SYT1: variants seen among roughly 807,000 people sequenced by gnomAD.
SYT1 encodes synaptotagmin-1.
Under a neutral mutation model 44.8 loss-of-function variants are expected in SYT1, and 8 were observed. The ratio of observed to expected loss-of-function variants is 0.18; its 90% CI spans 0.10 to 0.32. The LOEUF is 0.32. SYT1 is among the 10% of genes least tolerant of loss of function. The pLI, the probability that SYT1 is intolerant of heterozygous loss-of-function variation, is 1.00. For missense variants in SYT1, 286 were observed against 509.3 expected, an observed-to-expected ratio of 0.56 and a Z score of 4.22; for synonymous variants, 154 against 188.8, an observed-to-expected ratio of 0.82 and a Z score of 1.51.
Position 79,208,727 on chromosome 12 carries a change from C to G in SYT1, c.-17-8776C>G, listed in dbSNP as rs1478019943. ...ATATTTCCTTCTGCTTACATTCTTCCAAAGACATCTTCAGCATAACACCTC... is the reference window on the plus strand; with the variant it reads ...ATATTTCCTTCTGCTTACATTCTTCGAAAGACATCTTCAGCATAACACCTC... On this transcript the variant is annotated intron_variant, in intron 3 of 10. Transcript: ENST00000261205. Among the ~76,000 whole-genome samples, 10 of 152,220 alleles carry G rather than the reference C, an allele frequency of 6.6e-5. No homozygotes were observed. The East Asian group carries it at 1.7e-3, about 26-fold the overall frequency.
At chr12:79,191,039 G>A (rs1013504442) in intron 3 of SYT1, among the ~76,000 whole-genome samples, 1 of 151,710 alleles carries the variant, frequency 6.6e-6, no homozygotes, top group Non-Finnish European at 1.5e-5. Flanking sequence ...TAGAGGTTTA[G>A]ATGCTTGTAT....
At chr12:79,172,415 A>C (rs1044398990) in intron 3 of SYT1, among the ~76,000 whole-genome samples, 2 of 152,032 alleles carry the variant, frequency 1.3e-5, no homozygotes, top group African/African-American at 2.4e-5. Context: ...AAAAATGTGA[A>C]GATGCTATCT....
intron 8 of SYT1, among the ~76,000 whole-genome samples, chr12:79,313,852 T>C (rs941555915): frequency 6.6e-6 from 1 of 152,076 alleles, no homozygotes; most frequent in African/African-American, 2.4e-5. Flanking sequence ...AGAACAATAC[T>C]TGGCACCAGA....
chr12:79,302,133 TTG>T (rs1164418286), intron 8 of SYT1, among the ~76,000 whole-genome samples: 1 of 152,204 alleles, frequency 6.6e-6, no homozygotes. Flanking sequence ...TTTAAAGAAA[TTG>T]TTTTTCCACT....
intron 3 of SYT1, among the ~76,000 whole-genome samples, chr12:79,155,445 G>A (rs369014903): frequency 1.8e-4 from 27 of 152,054 alleles, no homozygotes; most frequent in Admixed American, 7.2e-4. Flanking sequence ...TGTCTCTGAG[G>A]CATTAACAAT....
chr12:79,372,078 T>C (rs934250571), intron 9 of SYT1, among the ~76,000 whole-genome samples: 1 of 152,214 alleles, frequency 6.6e-6, no homozygotes, highest in Non-Finnish European at 1.5e-5. Flanking sequence ...TTTCTTTTTC[T>C]GTGTTCCCAT....
At position 79,043,986 on chromosome 12, in the gene SYT1, C is replaced by T. The variant is rs531475504; in HGVS notation, c.-83-3311C>T. ...CTCTTCTGGCTTGTAGGGTTTCTGC[C>T]GAGAGATCCGCTGTTAGTCTGATGG... On this transcript the variant is annotated intron_variant, in intron 2 of 10. Transcript: ENST00000261205. 3.5e-3 allele frequency among the ~76,000 whole-genome samples: 530 copies of T among 152,270 alleles called. 2 individuals carry two copies. The highest frequency in any genetic ancestry group is 0.027 in the Middle Eastern group (8 of 294).
At chr12:79,160,397 T>A (rs1346707942) in intron 3 of SYT1, among the ~76,000 whole-genome samples, 2 of 152,124 alleles carry the variant, frequency 1.3e-5, no homozygotes, top group East Asian at 3.9e-4. Flanking sequence ...AATGAAACCA[T>A]GGAAGTGGAT....
intron 2 of SYT1, among the ~76,000 whole-genome samples, chr12:78,990,720 G>A (rs1869958825): frequency 1.3e-5 from 2 of 152,106 alleles, no homozygotes; most frequent in Admixed American, 1.3e-4. Context: ...ACAATAGCTG[G>A]TGTAAGAGCT....
At chr12:78,931,179 AAAAGAAAGAAAGAAAGAAAGAAAG>A (rs1165668920) in intron 1 of SYT1, among the ~76,000 whole-genome samples, 4 of 59,866 alleles carry the variant, frequency 6.7e-5, no homozygotes, top group African/African-American at 1.5e-4. Context: ...GAAAGAAAGA[AAAAGAAAGAAAGAAAGAAAGAAAG>A]AAAGAAAGAA....
chr12:79,309,723 T>A (rs1880671191), intron 8 of SYT1, among the ~76,000 whole-genome samples: 1 of 152,210 alleles, frequency 6.6e-6, no homozygotes, highest in African/African-American at 2.4e-5. Context: ...AAACTTAAAT[T>A]ATAAAGCTAG....
chr12:79,302,464 G>A (rs1005730992), intron 8 of SYT1, among the ~76,000 whole-genome samples: 5 of 152,134 alleles, frequency 3.3e-5, no homozygotes, highest in African/African-American at 1.2e-4. Flanking sequence ...AAAGGATTAT[G>A]TACTATTTTA....
chr12:79,083,751 A>G (rs531115315), intron 3 of SYT1, among the ~76,000 whole-genome samples: 172 of 152,256 alleles, frequency 1.1e-3, no homozygotes, highest in Non-Finnish European at 2.1e-3. Context: ...ACTTCAGCAA[A>G]ATGATTGCAT....
chr12:78,992,953 AC>A (rs1281730979), intron 2 of SYT1, among the ~76,000 whole-genome samples: 1 of 152,202 alleles, frequency 6.6e-6, no homozygotes, highest in Admixed American at 6.6e-5. Flanking sequence ...AATTCATGGT[AC>A]TATGATGACT....
chr12:78,871,603 G>A (rs1028534783), intron 1 of SYT1, among the ~76,000 whole-genome samples: 42 of 151,934 alleles, frequency 2.8e-4, no homozygotes, highest in African/African-American at 8.2e-4. Context: ...GCAAGGACAA[G>A]TGCTATAACA....
intron 3 of SYT1, among the ~76,000 whole-genome samples, chr12:79,076,040 T>C (rs1041443815): frequency 6.6e-6 from 1 of 152,062 alleles, no homozygotes. Context: ...GTCATAAAAT[T>C]ACATTACAGA....
At chr12:79,184,140 A>T (rs1163634111) in intron 3 of SYT1, among the ~76,000 whole-genome samples, 1 of 152,108 alleles carries the variant, frequency 6.6e-6, no homozygotes, top group Non-Finnish European at 1.5e-5. Context: ...GAATAGAAAG[A>T]GGAAGTGAGT....
chr12:79,327,102 C>T lies in SYT1; in HGVS notation c.811-26400C>T, dbSNP rs1181060245. Among the ~76,000 whole-genome samples the T allele has an allele frequency of 2.0e-5, 3 of 151,780 alleles. No individual in the cohort carries two copies. The East Asian group carries it at 5.8e-4, about 29-fold the overall frequency. The stretch of plus-strand genomic sequence containing the variant: ...TAATTTAAGGGGCTCTGTACCTCTT[C>T]ATATGTTAAACTTGACAATTTAGGC... On this transcript the variant is annotated intron_variant, in intron 8 of 10. Transcript: ENST00000261205.
chr12:78,909,995 C>T (rs1876225043), intron 1 of SYT1, among the ~76,000 whole-genome samples: 2 of 151,986 alleles, frequency 1.3e-5, no homozygotes, highest in Non-Finnish European at 1.5e-5. Context: ...TCTTCCTCCT[C>T]TGTTCACATA....
Sources: gnomAD v4.1 joint callset for allele counts (sites outside exome capture counted in the v4.1 genomes callset) on GRCh38, gnomAD v4.1.1 for gene constraint, MANE v1.5 for transcripts, NCBI Gene and HGNC (gene_info 2026-07-23, HGNC 2026-07-21) for gene names.